TMEM232: variants seen among roughly 807,000 people sequenced by gnomAD.
The protein encoded by TMEM232 is transmembrane protein 232.
A neutral mutation model predicts 78.8 loss-of-function variants in TMEM232; 80 were observed. That is an observed-to-expected ratio of 1.01 (90% CI 0.85 to 1.22). The LOEUF (loss-of-function observed/expected upper bound fraction) is 1.22, where lower values mean the gene tolerates loss of function less well. TMEM232 is among the 50% of genes most tolerant of loss of function. TMEM232 has a pLI of 0.00. For missense variants in TMEM232, 881 were observed against 742.2 expected (o/e 1.19, Z -2.17); for synonymous variants, 297 against 254.3 (o/e 1.17, Z -1.60).
intron 5 of TMEM232, among the ~76,000 whole-genome samples, chr5:110,635,447 C>T (rs527900208): frequency 1.2e-4 from 18 of 152,142 alleles, no homozygotes; most frequent in African/African-American, 3.9e-4. Flanking sequence ...AAAATACTAG[C>T]AAACTGAATC....
intron 12 of TMEM232, among the ~76,000 whole-genome samples, chr5:110,519,019 A>C (rs1769101318): frequency 6.6e-6 from 1 of 152,192 alleles, no homozygotes. Context: ...CAAATACACA[A>C]AATAAGAATT....
chr5:110,433,803 A>C (rs974348389), intron 12 of TMEM232, among the ~76,000 whole-genome samples: 2 of 152,066 alleles, frequency 1.3e-5, no homozygotes, highest in East Asian at 3.9e-4. Context: ...CATATGTTGA[A>C]CCATCTTAAA....
At chr5:110,597,978 A>G (rs1364411263) in intron 10 of TMEM232, among the ~76,000 whole-genome samples, 1 of 152,218 alleles carries the variant, frequency 6.6e-6, no homozygotes, top group Non-Finnish European at 1.5e-5. Flanking sequence ...CTAAAACACC[A>G]AAAGCAATGG....
chr5:110,444,903 C>T (rs1384626971), intron 12 of TMEM232, among the ~76,000 whole-genome samples: 3 of 151,730 alleles, frequency 2.0e-5, no homozygotes, highest in Non-Finnish European at 2.9e-5. Context: ...TCTTCTTTTT[C>T]CCATTTTCCT....
chr5:110,544,232 G>A (rs1054546726), intron 11 of TMEM232, among the ~76,000 whole-genome samples: 4 of 151,950 alleles, frequency 2.6e-5, no homozygotes, highest in South Asian at 4.1e-4. Context: ...AAATATCTAT[G>A]TTAACTTTAT....
Position 110,483,056 on chromosome 5 carries a change from CT to C in TMEM232, c.1703+45531del, listed in dbSNP as rs761768176. ...ATAAATGTATTTTTGTTGATAATACCTTTTTTTTCTATCTTAGTTTAAAAGC... is the reference window on the plus strand; with the variant it reads ...ATAAATGTATTTTTGTTGATAATACCTTTTTTTCTATCTTAGTTTAAAAGC... On this transcript the variant is annotated intron_variant, in intron 12 of 13. Coordinates refer to ENST00000455884, the MANE Select transcript of TMEM232 (RefSeq NM_001039763.4). Among the ~76,000 whole-genome samples, 19 of 151,956 alleles carry C rather than the reference CT, an allele frequency of 1.3e-4. 1 individual carries two copies. The East Asian group carries it at 2.5e-3, about 20-fold the overall frequency.
intron 12 of TMEM232, among the ~76,000 whole-genome samples, chr5:110,481,951 AT>A (rs1189951338): frequency 6.6e-6 from 1 of 152,202 alleles, no homozygotes; most frequent in Non-Finnish European, 1.5e-5. Context: ...AATATTTCTC[AT>A]TCTTATCCCA....
At chr5:110,636,199 G>A (rs1010277027) in intron 5 of TMEM232, among the ~76,000 whole-genome samples, 3 of 151,962 alleles carry the variant, frequency 2.0e-5, no homozygotes, top group African/African-American at 7.2e-5. Flanking sequence ...ACGTGTGGAA[G>A]CTAAAAGACT....
At chr5:110,591,961 C>T (rs1173646331) in intron 10 of TMEM232, among the ~76,000 whole-genome samples, 2 of 152,136 alleles carry the variant, frequency 1.3e-5, no homozygotes, top group African/African-American at 4.8e-5. Context: ...CCTCCATTTT[C>T]TGTGGTCCTG....
chr5:110,433,278 C>G (rs778022970), intron 12 of TMEM232, among the ~76,000 whole-genome samples: 4 of 151,666 alleles, frequency 2.6e-5, no homozygotes, highest in Non-Finnish European at 4.4e-5. Flanking sequence ...ATCAAGCATC[C>G]TTCTTGGACC....
chr5:110,524,384 AAAG>A (rs1561623464), intron 12 of TMEM232, among the ~76,000 whole-genome samples: 5 of 70,036 alleles, frequency 7.1e-5, no homozygotes, highest in African/African-American at 3.5e-4. Flanking sequence ...AGAAAGAAAG[AAAG>A]AAAGAAAGAA....
At chr5:110,653,258 C>A (rs577156366) in intron 2 of TMEM232, among the ~76,000 whole-genome samples, 35 of 152,296 alleles carry the variant, frequency 2.3e-4, no homozygotes, top group Middle Eastern at 6.8e-3. Flanking sequence ...TCCAACACTT[C>A]CATGTCCTAT....
At chr5:110,553,527 G>T (rs566393725) in intron 11 of TMEM232, among the ~76,000 whole-genome samples, 49 of 152,148 alleles carry the variant, frequency 3.2e-4, no homozygotes, top group African/African-American at 1.1e-3. Context: ...TTTTAGCTTA[G>T]ATATTATTGG....
upstream of TMEM232, among the ~76,000 whole-genome samples, chr5:110,729,071 GA>G (rs1361450936): frequency 3.3e-5 from 5 of 151,928 alleles, no homozygotes; most frequent in Non-Finnish European, 7.4e-5. Flanking sequence ...TTTTGGTAGA[GA>G]CAGGGTTTCA....
intron 12 of TMEM232, among the ~76,000 whole-genome samples, chr5:110,475,270 G>A (rs1245858637): frequency 6.6e-6 from 1 of 151,766 alleles, no homozygotes; most frequent in Admixed American, 6.6e-5. Context: ...AAAAGGAAAG[G>A]CTATATTTTT....
chr5:110,649,516 A>G (rs1561452030), intron 2 of TMEM232, among the ~76,000 whole-genome samples: 1 of 152,154 alleles, frequency 6.6e-6, no homozygotes, highest in African/African-American at 2.4e-5. Context: ...GATTAAAAAA[A>G]TATCTTCCAA....
rs181337852 is a variant in TMEM232, at chr5:110,635,524, T to G, written c.501+2674A>C. On this transcript the variant is annotated intron_variant, in intron 5 of 13. Transcript: ENST00000455884. ...ATTTATACCAGGGAATCAAGAATGATTCAACATATGCAAATCAATAAACAT... is the reference window on the plus strand; with the variant it reads ...ATTTATACCAGGGAATCAAGAATGAGTCAACATATGCAAATCAATAAACAT... Among the ~76,000 whole-genome samples, 206 of 152,074 alleles carry G rather than the reference T, an allele frequency of 1.4e-3. 2 individuals are homozygous for G. Among genetic ancestry groups the G allele is most frequent in the Non-Finnish European group, 2.5e-4 (17 of 67,944 alleles).
At chr5:110,566,193 GTACTT>G (rs750190197) in intron 11 of TMEM232, among the ~76,000 whole-genome samples, 1 of 151,760 alleles carries the variant, frequency 6.6e-6, no homozygotes, top group Non-Finnish European at 1.5e-5. Flanking sequence ...TTTTCTAAAT[GTACTT>G]TCAATTTAAA....
rs568390955 is a variant in TMEM232, at chr5:110,466,499, T to TTACTC, written c.1704-41588_1704-41584dup. On this transcript the variant is annotated intron_variant, in intron 12 of 13. Transcript: ENST00000455884. ...AACATTTTGTTTTCCATGAGTTTAT[T>TTACTC]TACTCAACAGAGTTAAGTAACTTTA... Among the ~76,000 whole-genome samples, 14 of 152,320 alleles carry TTACTC rather than the reference T, an allele frequency of 9.2e-5. No individual in the cohort carries two copies. In the South Asian group the frequency reaches 1.2e-3, roughly 14 times the overall value.
Sources: gnomAD v4.1 joint callset for allele counts (sites outside exome capture counted in the v4.1 genomes callset) on GRCh38, gnomAD v4.1.1 for gene constraint, MANE v1.5 for transcripts, NCBI Gene and HGNC (gene_info 2026-07-23, HGNC 2026-07-21) for gene names.